SLC16A7: variants seen among roughly 807,000 people sequenced by gnomAD.
SLC16A7 encodes monocarboxylate transporter 2.
A neutral mutation model predicts 34.9 loss-of-function variants in SLC16A7; 33 were observed. The ratio of observed to expected loss-of-function variants is 0.94; its 90% CI spans 0.72 to 1.26. The LOEUF (loss-of-function observed/expected upper bound fraction) is 1.26, where lower values mean the gene tolerates loss of function less well. Ranked by LOEUF, SLC16A7 falls within the 50% of genes most tolerant of loss-of-function variation. The pLI is 0.00. For missense variants in SLC16A7, 573 were observed against 578.1 expected (o/e 0.99, Z 0.09); for synonymous variants, 201 against 206.6 (o/e 0.97, Z 0.23).
chr12:59,773,921 T>C (rs1334195736), intron 4 of SLC16A7, among the ~76,000 whole-genome samples: 1 of 152,224 alleles, frequency 6.6e-6, no homozygotes, highest in Admixed American at 6.5e-5. Context: ...AGTGCCTTAG[T>C]GAGCTACAAG....
intron 1 of SLC16A7, among the ~76,000 whole-genome samples, chr12:59,607,394 T>A (rs1271429843): frequency 6.6e-6 from 1 of 152,176 alleles, no homozygotes; most frequent in Admixed American, 6.5e-5. Context: ...CTCTATATAA[T>A]TTATATAATG....
At chr12:59,629,632 C>A (rs956561352) in intron 1 of SLC16A7, among the ~76,000 whole-genome samples, 3 of 151,948 alleles carry the variant, frequency 2.0e-5, no homozygotes, top group African/African-American at 7.2e-5. Context: ...CTATAAAGCA[C>A]TTAAGAGGAT....
rs751315636 is a variant in SLC16A7 at position 59,771,205 on chromosome 12, C to A, written c.218-14C>A. The A allele has an allele frequency of 9.4e-6, 15 of 1,603,320 alleles. No individual in the cohort carries two copies. The highest frequency in any genetic ancestry group is 1.2e-5 in the Non-Finnish European group (14 of 1,175,854). On this transcript the variant is annotated splice_polypyrimidine_tract_variant and intron_variant, in intron 3 of 5. Transcript: ENST00000547379. ...AGAGCAACTGAGTATTTCTTTATCT[C>A]CTCTCTGCTGTAGGTCCTGTAAGTA...
intron 2 of SLC16A7, among the ~76,000 whole-genome samples, chr12:59,680,540 T>C (rs1195387437): frequency 6.6e-6 from 1 of 152,186 alleles, no homozygotes; most frequent in Non-Finnish European, 1.5e-5. Flanking sequence ...TTGGCCACTC[T>C]CTACTTGCAA....
At chr12:59,620,767 G>A (rs1879663905) in intron 1 of SLC16A7, among the ~76,000 whole-genome samples, 1 of 151,878 alleles carries the variant, frequency 6.6e-6, no homozygotes, top group Non-Finnish European at 1.5e-5. Context: ...TGGCTCAAAA[G>A]GGAAGCATAT....
Position 59,671,980 on chromosome 12 carries a change from TCC to T in SLC16A7, c.-31+16731_-31+16732del, listed in dbSNP as rs1355687048. On this transcript the variant is annotated intron_variant, in intron 2 of 5. Coordinates refer to ENST00000547379, the MANE Select transcript of SLC16A7 (RefSeq NM_001270623.2). ...GTATATATGTGTATATATCCATATA[TCC>T]GTATATATATGTGTATATATCCATA... 2.6e-4 allele frequency among the ~76,000 whole-genome samples: 14 copies of T among 54,646 alleles called. 1 individual carries two copies. The highest frequency in any genetic ancestry group is 1.0e-3 in the African/African-American group (10 of 9,724). 35.8% of individuals were successfully genotyped at this position (54,646 alleles called of 152,430 possible).
At chr12:59,637,884 G>C (rs959838429) in intron 1 of SLC16A7, among the ~76,000 whole-genome samples, 3 of 152,058 alleles carry the variant, frequency 2.0e-5, no homozygotes, top group Non-Finnish European at 4.4e-5. Context: ...AAGCAAGTTT[G>C]GTTCCCTCTT....
intron 3 of SLC16A7, among the ~76,000 whole-genome samples, chr12:59,710,838 A>C (rs1874143682): frequency 1.3e-5 from 2 of 152,196 alleles, no homozygotes; most frequent in South Asian, 4.1e-4. Flanking sequence ...ATGTTCATGT[A>C]TACAAATCAG....
At chr12:59,706,536 G>A (rs939355587) in intron 3 of SLC16A7, among the ~76,000 whole-genome samples, 7 of 152,030 alleles carry the variant, frequency 4.6e-5, no homozygotes, top group African/African-American at 9.7e-5. Flanking sequence ...CTATTTGGGC[G>A]TGTCAATGGA....
At chr12:59,689,456 AAC>A (rs1189594267) in intron 2 of SLC16A7, 3 of 152,032 alleles carry the variant, frequency 2.0e-5, no homozygotes, top group Non-Finnish European at 4.4e-5. Context: ...CATGTTTCTA[AAC>A]ACCTGTCGCC....
intron 2 of SLC16A7, among the ~76,000 whole-genome samples, chr12:59,680,566 C>T (rs1242572758): frequency 6.6e-6 from 1 of 152,098 alleles, no homozygotes; most frequent in Non-Finnish European, 1.5e-5. Context: ...TTTCTTTTTA[C>T]CTCTATCCCT....
chr12:59,671,265 A>C (rs1480292064), intron 2 of SLC16A7, among the ~76,000 whole-genome samples: 1 of 152,200 alleles, frequency 6.6e-6, no homozygotes, highest in Non-Finnish European at 1.5e-5. Context: ...TTATTTGTTT[A>C]ATAATATGTT....
chr12:59,608,359 A>T (rs1400623207), intron 1 of SLC16A7, among the ~76,000 whole-genome samples: 1 of 152,238 alleles, frequency 6.6e-6, no homozygotes, highest in East Asian at 1.9e-4. Context: ...AGAAAAAGAA[A>T]GAATCAATGC....
At chr12:59,639,722 G>A (rs1351597981) in intron 1 of SLC16A7, among the ~76,000 whole-genome samples, 1 of 151,982 alleles carries the variant, frequency 6.6e-6, no homozygotes, top group African/African-American at 2.4e-5. Context: ...CAACCCTTCC[G>A]ACACCAAATA....
rs1056932129 is a variant in SLC16A7 at position 59,789,663 on chromosome 12, A to G, written c.*9984A>G. On this transcript the variant is annotated 3_prime_UTR_variant, in exon 6 of 6. Transcript: ENST00000547379. ...TGAATTATGCAGTTTAACCCTGTCC[A>G]TGTTCCTCTGTACTCTATTCTTACT... 2 of 152,108 alleles carry G rather than the reference A, an allele frequency of 1.3e-5. No individual in the cohort carries two copies. Among genetic ancestry groups the G allele is most frequent in the Admixed American group, 6.6e-5 (1 of 15,252 alleles). 9.4% of individuals were successfully genotyped at this position (152,108 alleles called of 1,614,324 possible).
chr12:59,614,177 A>T (rs1879332054), intron 1 of SLC16A7, among the ~76,000 whole-genome samples: 1 of 151,464 alleles, frequency 6.6e-6, no homozygotes, highest in African/African-American at 2.4e-5. Context: ...CAGCCTCCTG[A>T]GTAACTGTGG....
At chr12:59,602,800 C>T (rs916029540) in intron 1 of SLC16A7, among the ~76,000 whole-genome samples, 2 of 152,056 alleles carry the variant, frequency 1.3e-5, no homozygotes, top group Non-Finnish European at 1.5e-5. Context: ...TTTCTTTAGC[C>T]TGCATTCTGT....
chr12:59,784,786 G>T lies in SLC16A7; in HGVS notation c.*5107G>T, dbSNP rs190402893. ...ATTACATACACATATAATTGAATAT[G>T]ATTTTAGAGTCTTGAAAAACTGATC... On this transcript the variant is annotated 3_prime_UTR_variant, in exon 6 of 6. Coordinates refer to ENST00000547379, the MANE Select transcript of SLC16A7 (RefSeq NM_001270623.2). 6.6e-6 allele frequency: 1 copy of T among 152,166 alleles called. No homozygotes were observed. Among genetic ancestry groups the T allele is most frequent in the Non-Finnish European group, 1.5e-5 (1 of 68,030 alleles). 9.4% of individuals were successfully genotyped at this position (152,166 alleles called of 1,614,324 possible).
chr12:59,634,619 A>C (rs1373699543), intron 1 of SLC16A7, among the ~76,000 whole-genome samples: 2 of 152,030 alleles, frequency 1.3e-5, no homozygotes, highest in Non-Finnish European at 2.9e-5. Context: ...GAAGAGCCTG[A>C]GTAGATATCC....
Sources: allele counts gnomAD v4.1 joint callset (sites outside exome capture counted in the v4.1 genomes callset), GRCh38; gene constraint gnomAD v4.1.1; transcripts MANE v1.5; gene names NCBI Gene and HGNC (gene_info 2026-07-23, HGNC 2026-07-21).